GALNT13: variants seen among roughly 807,000 people sequenced by gnomAD.
The protein encoded by GALNT13 is polypeptide N-acetylgalactosaminyltransferase 13.
In GALNT13, 28 loss-of-function variants were observed where a neutral mutation model predicts 64.2. The ratio of observed to expected loss-of-function variants is 0.44; its 90% CI spans 0.32 to 0.60. GALNT13 has a LOEUF of 0.60. Ranked by LOEUF, GALNT13 falls within the 20% of genes least tolerant of loss-of-function variation. GALNT13 has a pLI of 0.05. For missense variants in GALNT13, 577 were observed against 669.8 expected (o/e 0.86, Z 1.53); for synonymous variants, 214 against 224.6 (o/e 0.95, Z 0.42).
intron 4 of GALNT13, among the ~76,000 whole-genome samples, chr2:154,188,040 C>CTCTG (rs1033934347): frequency 2.6e-5 from 4 of 151,392 alleles, no homozygotes; most frequent in Admixed American, 2.0e-4. Flanking sequence ...CTCTCTCTCT[C>CTCTG]TCTCTCTCCT....
intron 3 of GALNT13, among the ~76,000 whole-genome samples, chr2:153,986,362 G>T (rs1328934954): frequency 6.6e-6 from 1 of 151,916 alleles, no homozygotes; most frequent in Non-Finnish European, 1.5e-5. Context: ...TTCTAAATGA[G>T]ATATTCCTGG....
At chr2:154,204,983 T>C (rs957817790) in intron 4 of GALNT13, among the ~76,000 whole-genome samples, 5 of 152,194 alleles carry the variant, frequency 3.3e-5, no homozygotes, top group Non-Finnish European at 7.4e-5. Flanking sequence ...GCTCAGCATA[T>C]GTCCCATATG....
the GALNT13 span, among the ~76,000 whole-genome samples, chr2:153,325,295 A>G: frequency 6.6e-6 from 1 of 151,924 alleles, no homozygotes; most frequent in South Asian, 2.1e-4. Context: ...TGAGATGTTT[A>G]TAATATTCTT....
At chr2:153,752,784 T>G in the GALNT13 span, among the ~76,000 whole-genome samples, 1 of 152,178 alleles carries the variant, frequency 6.6e-6, no homozygotes, top group Non-Finnish European at 1.5e-5. Flanking sequence ...TATTGATATC[T>G]TTCTCTAGGT....
intron 3 of GALNT13, among the ~76,000 whole-genome samples, chr2:153,963,711 GTCTC>G (rs71396373): frequency 3.5e-4 from 44 of 127,200 alleles, no homozygotes; most frequent in South Asian, 3.0e-3. Flanking sequence ...CTGTCTCTCC[GTCTC>G]TCTCTCTCTC....
intron 2 of GALNT13, among the ~76,000 whole-genome samples, chr2:153,924,706 G>A (rs1485065027): frequency 6.6e-6 from 1 of 151,918 alleles, no homozygotes; most frequent in Non-Finnish European, 1.5e-5. Flanking sequence ...TTTTCTCCAC[G>A]ACCTCGTCAG....
chr2:153,662,384 A>G, the GALNT13 span, among the ~76,000 whole-genome samples: 2 of 152,144 alleles, frequency 1.3e-5, no homozygotes, highest in African/African-American at 4.8e-5. Flanking sequence ...CTTACTTTCC[A>G]ATAGACTTGG....
intron 3 of GALNT13, among the ~76,000 whole-genome samples, chr2:154,116,671 A>G (rs1681583629): frequency 6.6e-6 from 1 of 152,200 alleles, no homozygotes; most frequent in Non-Finnish European, 1.5e-5. Context: ...TTTAGTTTGT[A>G]TAACTCTCCA....
chr2:153,473,194 A>C, the GALNT13 span, among the ~76,000 whole-genome samples: 1 of 152,208 alleles, frequency 6.6e-6, no homozygotes, highest in Non-Finnish European at 1.5e-5. Flanking sequence ...TAATAACAAA[A>C]AAAAGGAAAA....
At chr2:153,555,992 T>C in the GALNT13 span, among the ~76,000 whole-genome samples, 1 of 152,234 alleles carries the variant, frequency 6.6e-6, no homozygotes, top group Non-Finnish European at 1.5e-5. Context: ...AAATTTTTAT[T>C]ATAATGGTTG....
At chr2:153,525,195 A>T in the GALNT13 span, among the ~76,000 whole-genome samples, 1 of 152,188 alleles carries the variant, frequency 6.6e-6, no homozygotes, top group African/African-American at 2.4e-5. Flanking sequence ...TTCTAACAGC[A>T]TTAATCACCT....
At chr2:154,108,859 T>C (rs1227408445) in intron 3 of GALNT13, among the ~76,000 whole-genome samples, 2 of 152,114 alleles carry the variant, frequency 1.3e-5, no homozygotes, top group East Asian at 1.9e-4. Flanking sequence ...TTCTTTCCAT[T>C]GAGTATTCTT....
At chr2:153,863,276 C>T in the GALNT13 span, among the ~76,000 whole-genome samples, 2 of 152,096 alleles carry the variant, frequency 1.3e-5, no homozygotes, top group African/African-American at 4.8e-5. Context: ...TTCTTGGAAT[C>T]CTTTTAAATA....
chr2:153,146,222 G>T, the GALNT13 span, among the ~76,000 whole-genome samples: 1 of 150,454 alleles, frequency 6.6e-6, no homozygotes, highest in African/African-American at 2.4e-5. Context: ...TTCTAAAAAT[G>T]GAGAGTAGGA....
At chr2:153,499,174 T>C in the GALNT13 span, among the ~76,000 whole-genome samples, 1 of 152,098 alleles carries the variant, frequency 6.6e-6, no homozygotes, top group Non-Finnish European at 1.5e-5. Flanking sequence ...TTATCTTGCT[T>C]TCAGGAAGAA....
At chr2:153,110,887 T>C in the GALNT13 span, among the ~76,000 whole-genome samples, 1 of 152,276 alleles carries the variant, frequency 6.6e-6, no homozygotes, top group East Asian at 1.9e-4. Flanking sequence ...TCATTTTTCA[T>C]TCTATTTCCT....
chr2:154,242,013 TC>T lies in GALNT13; in HGVS notation c.312-16del, dbSNP rs1432505596. 6.5e-7 allele frequency: 1 copy of T among 1,530,882 alleles called. No homozygotes were observed. Among genetic ancestry groups the T allele is most frequent in the East Asian group, 2.3e-5 (1 of 43,672 alleles). The allele number at this position is 1,530,882 out of a possible 1,614,324, so 94.8% of individuals were successfully genotyped here. On this transcript the variant is annotated splice_polypyrimidine_tract_variant and intron_variant, in intron 4 of 12. Coordinates refer to ENST00000392825, the MANE Select transcript of GALNT13 (RefSeq NM_052917.4). ...AAAATGCATTTATTAAGATCCCTCT[TC>T]TTTTCTCTTTTTCAGATGTAAGACA...
At chr2:153,192,147 A>G in the GALNT13 span, among the ~76,000 whole-genome samples, 1 of 151,370 alleles carries the variant, frequency 6.6e-6, no homozygotes, top group African/African-American at 2.4e-5. Context: ...TTTATTTGAC[A>G]TCTTTCTACT....
At chr2:153,314,625 C>G in the GALNT13 span, among the ~76,000 whole-genome samples, 1 of 151,562 alleles carries the variant, frequency 6.6e-6, no homozygotes, top group Admixed American at 6.6e-5. Context: ...AAGTCAAAAA[C>G]AGAAGGAAAT....
Sources: allele counts gnomAD v4.1 joint callset (sites outside exome capture counted in the v4.1 genomes callset), GRCh38; gene constraint gnomAD v4.1.1; transcripts MANE v1.5; gene names NCBI Gene and HGNC (gene_info 2026-07-23, HGNC 2026-07-21).